The following TAFA1 variants were observed in gnomAD, a reference collection of about 807,000 sequenced individuals.
TAFA1 encodes chemokine-like protein TAFA-1.
A neutral mutation model predicts 18.5 loss-of-function variants in TAFA1; 4 were observed. That is an observed-to-expected ratio of 0.22 (90% CI 0.11 to 0.49). TAFA1 has a LOEUF of 0.49. Ranked by LOEUF, TAFA1 falls within the 20% of genes least tolerant of loss-of-function variation. The pLI is 0.98. For synonymous variants in TAFA1, 56 were observed against 55.2 expected (o/e 1.01, Z -0.06); for missense variants, 147 against 169.0 (o/e 0.87, Z 0.72).
chr3:68,070,434 A>C (rs1353674225), intron 2 of TAFA1, among the ~76,000 whole-genome samples: 5 of 152,206 alleles, frequency 3.3e-5, no homozygotes, highest in Admixed American at 3.3e-4. Flanking sequence ...AAGCCTAGGA[A>C]ACCATCTTGT....
intron 2 of TAFA1, among the ~76,000 whole-genome samples, chr3:68,325,401 G>A (rs1416464151): frequency 6.6e-6 from 1 of 152,152 alleles, no homozygotes; most frequent in Non-Finnish European, 1.5e-5. Context: ...TAAACTAAGG[G>A]TGAATAGTAT....
At chr3:68,108,127 A>G (rs2065223832) in intron 2 of TAFA1, among the ~76,000 whole-genome samples, 1 of 152,024 alleles carries the variant, frequency 6.6e-6, no homozygotes, top group South Asian at 2.1e-4. Flanking sequence ...GTCACCTTTC[A>G]CCTTTCATTA....
chr3:68,211,500 T>C (rs1008857151), intron 2 of TAFA1, among the ~76,000 whole-genome samples: 5 of 152,062 alleles, frequency 3.3e-5, no homozygotes, highest in African/African-American at 1.2e-4. Context: ...GTACCAAAAA[T>C]ACTGTGGTGA....
At chr3:68,026,347 C>T (rs1435711755) in intron 2 of TAFA1, among the ~76,000 whole-genome samples, 1 of 151,726 alleles carries the variant, frequency 6.6e-6, no homozygotes, top group East Asian at 1.9e-4. Context: ...AATTCCATCC[C>T]CACCGAGAGG....
At chr3:68,306,317 C>T (rs1231934308) in intron 2 of TAFA1, among the ~76,000 whole-genome samples, 2 of 152,016 alleles carry the variant, frequency 1.3e-5, no homozygotes, top group Non-Finnish European at 2.9e-5. Context: ...GGGATTAGTG[C>T]CTAAGGGGAA....
chr3:68,411,299 A>G (rs2070711950), intron 2 of TAFA1, among the ~76,000 whole-genome samples: 1 of 152,212 alleles, frequency 6.6e-6, no homozygotes, highest in Non-Finnish European at 1.5e-5. Flanking sequence ...TGTATTTTAC[A>G]AGCATACTAT....
chr3:68,088,393 G>A (rs1187077600), intron 2 of TAFA1, among the ~76,000 whole-genome samples: 2 of 152,144 alleles, frequency 1.3e-5, no homozygotes, highest in Non-Finnish European at 2.9e-5. Flanking sequence ...GGTGGAAACA[G>A]TGTGACATCA....
At chr3:68,485,382 G>A (rs17242840) in intron 3 of TAFA1, among the ~76,000 whole-genome samples, 23,951 of 152,136 alleles carry the variant, frequency 0.16, 2,130 homozygotes, top group Non-Finnish European at 0.2. Context: ...CTGTGTTTTT[G>A]TTGTACTTTG....
chr3:68,022,813 A>ATATATATTTATATATAATATATATATAT (rs1704720279), intron 2 of TAFA1, among the ~76,000 whole-genome samples: 7 of 102,430 alleles, frequency 6.8e-5, no homozygotes, highest in African/African-American at 2.5e-4. Context: ...TAAGATTTAT[A>ATATATATTTATATATAATATATATATAT]TATATATATT....
chr3:68,086,424 C>T (rs2064970919), intron 2 of TAFA1, among the ~76,000 whole-genome samples: 1 of 152,178 alleles, frequency 6.6e-6, no homozygotes, highest in South Asian at 2.1e-4. Context: ...ATTTCAGCAG[C>T]ATGTGTATTT....
rs1239638387 is a variant in TAFA1 at position 68,367,855 on chromosome 3, C to CA, written c.119-49418dup. Among the ~76,000 whole-genome samples, 4 of 151,662 alleles carry CA rather than the reference C, an allele frequency of 2.6e-5. No individual in the cohort carries two copies. In the East Asian group the frequency reaches 5.8e-4, roughly 22 times the overall value. On this transcript the variant is annotated intron_variant, in intron 2 of 4. Transcript: ENST00000478136. ...AATAAGGCAGGTTCTAGGAAGGAGA[C>CA]AAAAAAATAAAGGACAACTGCTTGG... is the stretch of plus-strand genomic sequence containing the variant.
rs189922685 is a variant in TAFA1, at chr3:68,099,324, C to T, written c.118+92580C>T. ...TCAATAAGCAAAACCAAAATGACCC[C>T]GTTTAAAAGTGGGAAAAGGACATGA... is the stretch of plus-strand genomic sequence containing the variant. On this transcript the variant is annotated intron_variant, in intron 2 of 4. Transcript: ENST00000478136. 6.5e-4 allele frequency among the ~76,000 whole-genome samples: 99 copies of T among 152,014 alleles called. 1 individual carries two copies. Among genetic ancestry groups the T allele is most frequent in the Non-Finnish European group, 8.1e-4 (55 of 67,950 alleles).
At chr3:68,117,950 C>T (rs1402581346) in intron 2 of TAFA1, among the ~76,000 whole-genome samples, 3 of 152,132 alleles carry the variant, frequency 2.0e-5, no homozygotes, top group Non-Finnish European at 4.4e-5. Flanking sequence ...ATGAGCTTTT[C>T]ATCTTGCAAA....
intron 2 of TAFA1, among the ~76,000 whole-genome samples, chr3:68,236,512 A>C (rs1483298852): frequency 6.6e-6 from 1 of 152,192 alleles, no homozygotes; most frequent in Non-Finnish European, 1.5e-5. Flanking sequence ...AACAAGATGC[A>C]CTGAAAGGAG....
chr3:68,221,979 T>A (rs1458883409), intron 2 of TAFA1, among the ~76,000 whole-genome samples: 1 of 152,176 alleles, frequency 6.6e-6, no homozygotes, highest in Non-Finnish European at 1.5e-5. Flanking sequence ...TGGGGTCAAC[T>A]GTGGAGAGCT....
At chr3:68,098,498 T>C (rs997617847) in intron 2 of TAFA1, among the ~76,000 whole-genome samples, 2 of 152,184 alleles carry the variant, frequency 1.3e-5, no homozygotes, top group African/African-American at 4.8e-5. Flanking sequence ...ATCTTCTTTT[T>C]TGATTCATCT....
At chr3:68,228,753 GC>G (rs2066834475) in intron 2 of TAFA1, among the ~76,000 whole-genome samples, 2 of 152,316 alleles carry the variant, frequency 1.3e-5, no homozygotes, top group South Asian at 4.1e-4. Flanking sequence ...AGTAAAACCA[GC>G]TTTGGGAAAT....
At chr3:68,140,586 C>T (rs373847129) in intron 2 of TAFA1, among the ~76,000 whole-genome samples, 1 of 152,192 alleles carries the variant, frequency 6.6e-6, no homozygotes, top group Non-Finnish European at 1.5e-5. Flanking sequence ...CTGCCACTTA[C>T]TTGACTTCCA....
At chr3:68,197,328 A>G (rs534423885) in intron 2 of TAFA1, among the ~76,000 whole-genome samples, 90 of 151,770 alleles carry the variant, frequency 5.9e-4, no homozygotes, top group Non-Finnish European at 1.1e-3. Context: ...AAATTATGAA[A>G]TGAAAGAGAA....
Sources: gnomAD v4.1 joint callset for allele counts (sites outside exome capture counted in the v4.1 genomes callset) on GRCh38, gnomAD v4.1.1 for gene constraint, MANE v1.5 for transcripts, NCBI Gene and HGNC (gene_info 2026-07-23, HGNC 2026-07-21) for gene names.